HAUS8: variants seen among roughly 807,000 people sequenced by gnomAD.
HAUS8 encodes the protein HAUS augmin-like complex subunit 8.
Under a neutral mutation model 42.9 loss-of-function variants are expected in HAUS8, and 38 were observed. That is an observed-to-expected ratio of 0.89 (90% CI 0.68 to 1.16). HAUS8 has a LOEUF of 1.16. Among genes scored for constraint, HAUS8 ranks in the 50% most tolerant of loss-of-function variants. The pLI is 0.00. For synonymous variants in HAUS8, 199 were observed against 205.8 expected (o/e 0.97, Z 0.28); for missense variants, 494 against 511.6 (o/e 0.97, Z 0.33).
intron 4 of HAUS8, among the ~76,000 whole-genome samples, chr19:17,062,019 C>T (rs969979450): frequency 1.4e-4 from 21 of 152,186 alleles, no homozygotes; most frequent in African/African-American, 3.6e-4. Context: ...AAATCCAGCC[C>T]GCTTCCTTTG....
chr19:17,073,297 T>C lies in HAUS8; in HGVS notation c.68A>G (p.Lys23Arg). 1 of 1,614,124 alleles carries C rather than the reference T, an allele frequency of 6.2e-7. No homozygotes were observed. Among genetic ancestry groups the C allele is most frequent in the South Asian group, 1.1e-5 (1 of 91,090 alleles). Residue 23 changes from lysine to arginine, a missense_variant, in exon 2 of 11, where the codon AAG becomes AGG. By Grantham distance (26) the Lys-to-Arg change is conservative. Transcript: ENST00000253669. Reference sequence around the variant, plus strand: ...ACCTTGAACTCTTTTATCCTTCTTCTTGGCACTGCTAGAATTTGTGGGGCC... The same window carrying C: ...ACCTTGAACTCTTTTATCCTTCTTCCTGGCACTGCTAGAATTTGTGGGGCC... ...ATGPTNSSSA[K>R]KKDKRVQGGR...
chr19:17,072,338 CTTTTTTTTTT>C (rs71180355), intron 2 of HAUS8, among the ~76,000 whole-genome samples: 2 of 87,538 alleles, frequency 2.3e-5, no homozygotes, highest in Admixed American at 1.6e-4. Flanking sequence ...CGAGCATTTC[CTTTTTTTTTT>C]TTTTTTTTTT....
chr19:17,069,719 G>T (rs899115860), intron 2 of HAUS8, among the ~76,000 whole-genome samples: 5 of 151,908 alleles, frequency 3.3e-5, no homozygotes, highest in African/African-American at 1.2e-4. Flanking sequence ...GATCCGGTTA[G>T]TCCCATTCTG....
chr19:17,053,113 AG>A, intron 9 of HAUS8, 147 bp from the exon 10 acceptor site: 1 of 864,392 alleles, frequency 1.2e-6, no homozygotes, highest in Non-Finnish European at 1.8e-6. Context: ...GCAGAAGCCA[AG>A]GAAGACATTC....
At chr19:17,058,927 C>T (rs1168768729) in intron 6 of HAUS8, 51 bp from the exon 7 acceptor site, 1 of 1,476,874 alleles carries the variant, frequency 6.8e-7, no homozygotes, top group Admixed American at 1.9e-5. Context: ...GGTATAAATC[C>T]AGCTCTTTTC....
At chr19:17,071,387 G>A (rs2057422890) in intron 2 of HAUS8, among the ~76,000 whole-genome samples, 1 of 151,938 alleles carries the variant, frequency 6.6e-6, no homozygotes, top group African/African-American at 2.4e-5. Context: ...GAGTGTGGGT[G>A]CAGGTGGGTG....
Position 17,062,695 on chromosome 19 carries a change from C to T in HAUS8, c.229+3G>A, listed in dbSNP as rs748893885. 4.6e-5 allele frequency: 75 copies of T among 1,613,652 alleles called. 1 individual carries two copies. Among genetic ancestry groups the T allele is most frequent in the Non-Finnish European group, 5.7e-5 (67 of 1,179,672 alleles). ...CTGCCCGAGGACCATGGCTGTTTCG[C>T]ACCTTTGCTTTTCTGGAGCAGGCTG... is the stretch of plus-strand genomic sequence containing the variant. On this transcript the variant is annotated splice_donor_region_variant and intron_variant, in intron 4 of 10. Coordinates refer to ENST00000253669, the MANE Select transcript of HAUS8 (RefSeq NM_033417.2).
intron 5 of HAUS8, 28 bp from the exon 6 acceptor site, chr19:17,059,679 G>C: frequency 7.8e-6 from 12 of 1,528,842 alleles, no homozygotes; most frequent in Non-Finnish European, 1.1e-5. Flanking sequence ...ATTTTTAATG[G>C]CAAGTAGCGT....
chr19:17,075,387 A>G lies in HAUS8; in HGVS notation c.29+7T>C, dbSNP rs1395692809. 1.2e-6 allele frequency: 2 copies of G among 1,613,710 alleles called. No individual in the cohort carries two copies. Among genetic ancestry groups the G allele is most frequent in the East Asian group, 2.2e-5 (1 of 44,878 alleles). On this transcript the variant is annotated splice_region_variant and intron_variant, in intron 1 of 10. Transcript: ENST00000253669. ...ACAAATCCAGACCTGCGGAAGCCCC[A>G]ACTCACCCAGCGCCTCGCCCCGAGG...
intron 1 of HAUS8, chr19:17,075,135 G>T: frequency 1.8e-6 from 1 of 540,932 alleles, no homozygotes; most frequent in Admixed American, 3.1e-5. Flanking sequence ...GGAGGAAAGC[G>T]AGGCACTGGG....
intron 2 of HAUS8, 30 bp downstream of exon 2, chr19:17,073,244 G>A (rs200331892): frequency 5.0e-5 from 80 of 1,589,018 alleles, no homozygotes; most frequent in Non-Finnish European, 6.5e-5. Context: ...AGAAAACCAT[G>A]TTCCTTAAAG....
intron 2 of HAUS8, among the ~76,000 whole-genome samples, chr19:17,070,659 T>C (rs1360676017): frequency 6.6e-6 from 1 of 152,172 alleles, no homozygotes; most frequent in Non-Finnish European, 1.5e-5. Context: ...CTCCTTACGG[T>C]TCTCATGCAA....
chr19:17,049,971 CG>C lies in HAUS8; in HGVS notation c.1134del (p.Ala379LeufsTer51). ...EDDNPGASSA[P>X]AQATFISPSE... ...CTTGGGCTGATGAACGTGGCCTGAG[CG>C]GGGGCTGACGAGGCACCCGGGTTGT... On this transcript the variant is annotated frameshift_variant, in exon 11 of 11. Coordinates refer to ENST00000253669, the MANE Select transcript of HAUS8 (RefSeq NM_033417.2). LOFTEE classifies it low-confidence loss of function (END_TRUNC). The C allele has an allele frequency of 6.3e-7, 1 of 1,597,600 alleles. No homozygotes were observed. The highest frequency in any genetic ancestry group is 1.8e-5 in the Admixed American group (1 of 56,994).
At chr19:17,062,094 T>C (rs925656196) in intron 4 of HAUS8, among the ~76,000 whole-genome samples, 6 of 152,336 alleles carry the variant, frequency 3.9e-5, no homozygotes, top group Middle Eastern at 3.4e-3. Context: ...GGGGTTGTTT[T>C]TAATGTTACA....
chr19:17,056,000 G>T lies in HAUS8; in HGVS notation c.648C>A (p.Ile216=), dbSNP rs761195814. ...RELADVLDAQ[I]EMLSPFEAVA... ...CTGCCTCGAAGGGGCTGAGCATCTCGATCTGTAAGCAGAAGGGATAATCAG... is the reference window on the plus strand; with the variant it reads ...CTGCCTCGAAGGGGCTGAGCATCTCTATCTGTAAGCAGAAGGGATAATCAG... The change falls in exon 9 of 11, where the codon ATC becomes ATA. Residue 216 remains isoleucine (I), a splice_region_variant and synonymous_variant. Transcript: ENST00000253669. The T allele has an allele frequency of 2.5e-6, 4 of 1,613,968 alleles. No homozygotes were observed. The highest frequency in any genetic ancestry group is 3.4e-6 in the Non-Finnish European group (4 of 1,179,966).
At chr19:17,066,299 T>A (rs1426812279) in intron 3 of HAUS8, among the ~76,000 whole-genome samples, 1 of 151,784 alleles carries the variant, frequency 6.6e-6, no homozygotes, top group Non-Finnish European at 1.5e-5. Flanking sequence ...GTCTCGCCCA[T>A]GCTAGTTTGG....
intron 2 of HAUS8, among the ~76,000 whole-genome samples, chr19:17,071,909 C>T (rs1274895790): frequency 6.6e-6 from 1 of 152,134 alleles, no homozygotes; most frequent in Non-Finnish European, 1.5e-5. Flanking sequence ...TCGCTTGAAC[C>T]TGGGAGGCGG....
At chr19:17,067,220 A>AAT (rs59816332) in intron 3 of HAUS8, among the ~76,000 whole-genome samples, 3 of 150,944 alleles carry the variant, frequency 2.0e-5, no homozygotes, top group Non-Finnish European at 3.0e-5. Flanking sequence ...AAAAAAAAAA[A>AAT]GGAAGGAAGC....
chr19:17,073,523 G>T, intron 1 of HAUS8, 188 bp from the exon 2 acceptor site: 1 of 626,418 alleles, frequency 1.6e-6, no homozygotes, highest in Non-Finnish European at 2.9e-6. Flanking sequence ...GGTCACCTGG[G>T]CAAGAAGGCA....
Sources: gnomAD v4.1 joint callset for allele counts (sites outside exome capture counted in the v4.1 genomes callset) on GRCh38, gnomAD v4.1.1 for gene constraint, MANE v1.5 for transcripts, NCBI Gene and HGNC (gene_info 2026-07-23, HGNC 2026-07-21) for gene names.